Variants in MAPK8 observed in about 807,000 individuals in gnomAD.
MAPK8 encodes JUN N-terminal kinase.
In MAPK8, 13 loss-of-function variants were observed where a neutral mutation model predicts 52.9. The ratio of observed to expected loss-of-function variants is 0.25; its 90% CI spans 0.16 to 0.39. The LOEUF (loss-of-function observed/expected upper bound fraction) is 0.39. Among genes scored for constraint, MAPK8 ranks in the 10% least tolerant of loss-of-function variants. The pLI is 1.00. For synonymous variants in MAPK8, 191 were observed against 169.8 expected (o/e 1.12, Z -0.97); for missense variants, 300 against 519.2 (o/e 0.58, Z 4.10).
chr10:48,399,634 A>T (rs1479561787), intron 1 of MAPK8, among the ~76,000 whole-genome samples: 1 of 152,162 alleles, frequency 6.6e-6, no homozygotes, highest in Admixed American at 6.5e-5. Context: ...ATGTTCCTGG[A>T]TCTACTCAAG....
chr10:48,403,127 A>G (rs1394574050), intron 2 of MAPK8, among the ~76,000 whole-genome samples: 1 of 152,190 alleles, frequency 6.6e-6, no homozygotes, highest in Non-Finnish European at 1.5e-5. Flanking sequence ...TAGAGAAAAG[A>G]AAGGAGGTTT....
At chr10:48,380,476 A>G (rs1356405282) in intron 1 of MAPK8, among the ~76,000 whole-genome samples, 1 of 152,182 alleles carries the variant, frequency 6.6e-6, no homozygotes, top group Non-Finnish European at 1.5e-5. Flanking sequence ...TGACACCTGT[A>G]ATCCCAGCAC....
At chr10:48,388,372 A>G (rs2041434889) in intron 1 of MAPK8, among the ~76,000 whole-genome samples, 1 of 152,092 alleles carries the variant, frequency 6.6e-6, no homozygotes. Context: ...TATTTTAGTA[A>G]CATCACTTTT....
chr10:48,314,307 A>G (rs1186700100), intron 1 of MAPK8, among the ~76,000 whole-genome samples: 2 of 151,948 alleles, frequency 1.3e-5, no homozygotes, highest in South Asian at 2.1e-4. Flanking sequence ...ATGACCTAAT[A>G]TAGTCATGAG....
chr10:48,413,933 A>G lies in MAPK8; in HGVS notation c.450+3765A>G, dbSNP rs539378647. ...TTGCTATATAATTTACATGCCATACAATTTATTCATTTAACGTGTACCACT... is the reference window on the plus strand; with the variant it reads ...TTGCTATATAATTTACATGCCATACGATTTATTCATTTAACGTGTACCACT... On this transcript the variant is annotated intron_variant, in intron 5 of 11. Coordinates refer to ENST00000374189, the MANE Select transcript of MAPK8 (RefSeq NM_001323329.2). Among the ~76,000 whole-genome samples the G allele has an allele frequency of 9.5e-5, 14 of 147,348 alleles. No homozygotes were observed. In the East Asian group the frequency reaches 2.8e-3, roughly 30 times the overall value.
chr10:48,400,065 A>G (rs528127474), intron 1 of MAPK8, among the ~76,000 whole-genome samples: 46 of 152,350 alleles, frequency 3.0e-4, no homozygotes, highest in Non-Finnish European at 5.6e-4. Flanking sequence ...TGTAGTAGGT[A>G]AGAGGGAATT....
intron 1 of MAPK8, among the ~76,000 whole-genome samples, chr10:48,309,650 G>T (rs1171382925): frequency 6.6e-6 from 1 of 152,212 alleles, no homozygotes; most frequent in Non-Finnish European, 1.5e-5. Flanking sequence ...GTTGTTAAAT[G>T]ACTAGTCCCC....
At chr10:48,311,386 A>T (rs929681058) in intron 1 of MAPK8, among the ~76,000 whole-genome samples, 2 of 152,194 alleles carry the variant, frequency 1.3e-5, no homozygotes, top group African/African-American at 4.8e-5. Flanking sequence ...TTATATTAAC[A>T]TTTGGACCAG....
intron 1 of MAPK8, among the ~76,000 whole-genome samples, chr10:48,341,093 A>G (rs883603): frequency 3.3e-5 from 5 of 152,346 alleles, no homozygotes; most frequent in African/African-American, 1.2e-4. Context: ...CAATTACTCT[A>G]CCATGTTAGA....
chr10:48,312,825 C>CT (rs1842099529), intron 1 of MAPK8, among the ~76,000 whole-genome samples: 1 of 152,142 alleles, frequency 6.6e-6, no homozygotes, highest in South Asian at 2.1e-4. Flanking sequence ...TATATTTTGA[C>CT]TAAGTAGTAA....
intron 1 of MAPK8, among the ~76,000 whole-genome samples, chr10:48,375,993 A>G (rs1291636121): frequency 1.3e-5 from 2 of 152,216 alleles, no homozygotes; most frequent in Non-Finnish European, 2.9e-5. Context: ...AAACTATACT[A>G]CAAGGCTACA....
rs541377537 is a variant in MAPK8, at chr10:48,347,051, G to A, written c.-50+40230G>A. 8.5e-5 allele frequency among the ~76,000 whole-genome samples: 13 copies of A among 152,250 alleles called. No homozygotes were observed. The East Asian group carries it at 2.3e-3, about 27-fold the overall frequency. ...TGGTAGTGGTCCCCCGGGCCCAGCT[G>A]CTTTTTCTCTTGTCTCTTTGTCTTG... is the stretch of plus-strand genomic sequence containing the variant. On this transcript the variant is annotated intron_variant, in intron 1 of 11. Transcript: ENST00000374189.
At chr10:48,391,604 G>C (rs1332580978) in intron 1 of MAPK8, among the ~76,000 whole-genome samples, 1 of 151,922 alleles carries the variant, frequency 6.6e-6, no homozygotes, top group Non-Finnish European at 1.5e-5. Flanking sequence ...ATGTTGCATA[G>C]GGGGAGTTCC....
At chr10:48,362,881 C>G (rs967209808) in intron 1 of MAPK8, among the ~76,000 whole-genome samples, 1 of 150,942 alleles carries the variant, frequency 6.6e-6, no homozygotes, top group Non-Finnish European at 1.5e-5. Flanking sequence ...GCTGGGATTA[C>G]AGGCGCCTGC....
chr10:48,350,027 G>A (rs1846155165), intron 1 of MAPK8, among the ~76,000 whole-genome samples: 1 of 152,052 alleles, frequency 6.6e-6, no homozygotes, highest in Admixed American at 6.6e-5. Flanking sequence ...AAGAAATGGG[G>A]AAATTCCTGG....
intron 1 of MAPK8, among the ~76,000 whole-genome samples, chr10:48,319,655 A>C (rs1450280330): frequency 6.6e-6 from 1 of 151,490 alleles, no homozygotes; most frequent in African/African-American, 2.4e-5. Flanking sequence ...AGGCCTGGCT[A>C]ATTTTTTTGT....
At chr10:48,359,493 TG>T (rs1190919187) in intron 1 of MAPK8, among the ~76,000 whole-genome samples, 1 of 152,176 alleles carries the variant, frequency 6.6e-6, no homozygotes, top group African/African-American at 2.4e-5. Context: ...CTTGACAGTT[TG>T]GGGGGCTAGC....
At chr10:48,318,596 AT>A (rs2132127219) in intron 1 of MAPK8, among the ~76,000 whole-genome samples, 1 of 152,342 alleles carries the variant, frequency 6.6e-6, no homozygotes, top group South Asian at 2.1e-4. Context: ...AATTATTGAC[AT>A]TAATAATGCT....
At chr10:48,341,462 A>G (rs1372755227) in intron 1 of MAPK8, among the ~76,000 whole-genome samples, 2 of 152,198 alleles carry the variant, frequency 1.3e-5, no homozygotes, top group Non-Finnish European at 1.5e-5. Context: ...GGGATGCTCA[A>G]CTGGCACATA....
Sources: allele counts gnomAD v4.1 joint callset (sites outside exome capture counted in the v4.1 genomes callset), GRCh38; gene constraint gnomAD v4.1.1; transcripts MANE v1.5; gene names NCBI Gene and HGNC (gene_info 2026-07-23, HGNC 2026-07-21).